The following ADAMTS20 variants were observed in gnomAD, a reference collection of about 807,000 sequenced individuals.
ADAMTS20 encodes the protein ADAM metallopeptidase with thrombospondin type 1 motif 20.
Under a neutral mutation model 260.1 loss-of-function variants are expected in ADAMTS20, and 225 were observed. The ratio of observed to expected loss-of-function variants is 0.87; its 90% CI spans 0.78 to 0.97. The LOEUF (loss-of-function observed/expected upper bound fraction) is 0.97. ADAMTS20 is among the 50% of genes least tolerant of loss of function. The pLI, the probability that ADAMTS20 is intolerant of heterozygous loss-of-function variation, is 0.00. For missense variants in ADAMTS20, 2,400 were observed against 2,337.7 expected (o/e 1.03, Z -0.55); for synonymous variants, 802 against 769.5 (o/e 1.04, Z -0.70).
chr12:43,502,173 A>T lies in ADAMTS20; in HGVS notation c.846T>A (p.Tyr282Ter), dbSNP rs1565574317. The T allele has an allele frequency of 6.2e-7, 1 of 1,602,356 alleles. No homozygotes were observed. Residue 282 changes from tyrosine to a stop codon, truncating the protein, a stop_gained, in exon 4 of 39, where the codon TAT (tyrosine) becomes TAA (stop). Coordinates refer to ENST00000389420, the MANE Select transcript of ADAMTS20 (RefSeq NM_025003.5). LOFTEE classifies it high-confidence loss of function. ...VSAHGSNLQN[Y>*]ILTLMSIVAT... ...TTACAATTGACATTAGAGTCAGTAT[A>T]TAGTTTTGCAAATTCGATCCATGAG...
chr12:43,360,428 G>A (rs1412773331), intron 37 of ADAMTS20, among the ~76,000 whole-genome samples: 4 of 152,008 alleles, frequency 2.6e-5, no homozygotes, highest in African/African-American at 7.3e-5. Flanking sequence ...CAGCCTGGGC[G>A]ACAGAGCACG....
At chr12:43,367,861 T>C (rs186998274) in intron 37 of ADAMTS20, among the ~76,000 whole-genome samples, 70 of 152,130 alleles carry the variant, frequency 4.6e-4, no homozygotes, top group African/African-American at 1.6e-3. Flanking sequence ...CATACAAATA[T>C]AGGCAAAAAT....
At chr12:43,438,007 G>A (rs1045434483) in intron 18 of ADAMTS20, among the ~76,000 whole-genome samples, 5 of 151,978 alleles carry the variant, frequency 3.3e-5, no homozygotes, top group African/African-American at 1.2e-4. Context: ...ATAACTTTCA[G>A]TACACAGAAA....
chr12:43,398,060 T>C lies in ADAMTS20; in HGVS notation c.4452+1006A>G, dbSNP rs1940739810. Among the ~76,000 whole-genome samples, 3 of 152,188 alleles carry C rather than the reference T, an allele frequency of 2.0e-5. No homozygotes were observed. The South Asian group carries it at 6.2e-4, about 32-fold the overall frequency. On this transcript the variant is annotated intron_variant, in intron 29 of 38. Transcript: ENST00000389420. The stretch of plus-strand genomic sequence containing the variant: ...ACATAACTCAAACATCTGACAGAGA[T>C]AAGGAAGTTCCAACATCAGAAGATG...
rs1423170590 is a variant in ADAMTS20 at position 43,501,506 on chromosome 12, T to C, written c.867+646A>G. On this transcript the variant is annotated intron_variant, in intron 4 of 38. Transcript: ENST00000389420. The stretch of plus-strand genomic sequence containing the variant: ...GCACACACACACACACACACACATG[T>C]AAGGATGAAGCGTGATGCCACTTAC... 1.3e-4 allele frequency among the ~76,000 whole-genome samples: 9 copies of C among 71,378 alleles called. No individual in the cohort carries two copies. In the South Asian group the frequency reaches 5.5e-3, roughly 43 times the overall value. The allele number at this position is 71,378 out of a possible 152,430, so 46.8% of individuals were successfully genotyped here. A position where few individuals can be genotyped will look rare whatever the true frequency, so the allele number is the denominator to read the frequency against.
At chr12:43,445,295 A>C (rs774858767) in intron 15 of ADAMTS20, among the ~76,000 whole-genome samples, 6 of 152,180 alleles carry the variant, frequency 3.9e-5, no homozygotes, top group African/African-American at 4.8e-5. Context: ...AATATTTTTC[A>C]GTAAATACAG....
Position 43,437,136 on chromosome 12 carries a change from T to A in ADAMTS20, c.2593+2486A>T, listed in dbSNP as rs150251524. On this transcript the variant is annotated intron_variant, in intron 18 of 38. Transcript: ENST00000389420. Reference sequence around the variant, plus strand: ...AGACCTAGGAGGAAACACATATAAGTGAGGGAGCAGAAGAAAACTTAAAGA... The same window carrying A: ...AGACCTAGGAGGAAACACATATAAGAGAGGGAGCAGAAGAAAACTTAAAGA... Among the ~76,000 whole-genome samples the A allele has an allele frequency of 2.5e-3, 377 of 151,572 alleles. 2 individuals carry two copies. Among genetic ancestry groups the A allele is most frequent in the African/African-American group, 8.9e-3 (367 of 41,294 alleles).
chr12:43,355,169 C>T (rs888232513), intron 38 of ADAMTS20, among the ~76,000 whole-genome samples: 3 of 152,158 alleles, frequency 2.0e-5, no homozygotes, highest in African/African-American at 7.2e-5. Flanking sequence ...TTTGAAGTTA[C>T]CTTCTCTTTC....
chr12:43,407,592 G>T (rs1372756516), intron 28 of ADAMTS20, among the ~76,000 whole-genome samples: 1 of 151,894 alleles, frequency 6.6e-6, no homozygotes, highest in East Asian at 1.9e-4. Context: ...CAAGTATCTT[G>T]TACAGAAATA....
At chr12:43,363,683 T>C (rs188356773) in intron 37 of ADAMTS20, among the ~76,000 whole-genome samples, 15 of 152,240 alleles carry the variant, frequency 9.9e-5, no homozygotes, top group African/African-American at 3.4e-4. Context: ...GAAGTTCAAG[T>C]TTAGGTACTT....
At chr12:43,414,703 G>C (rs1263463139) in intron 28 of ADAMTS20, among the ~76,000 whole-genome samples, 2 of 151,942 alleles carry the variant, frequency 1.3e-5, no homozygotes, top group Admixed American at 1.3e-4. Context: ...ACAAGGATTT[G>C]GGGCAACTGG....
At chr12:43,395,622 G>A (rs957623506) in intron 29 of ADAMTS20, among the ~76,000 whole-genome samples, 1 of 150,010 alleles carries the variant, frequency 6.7e-6, no homozygotes, top group Non-Finnish European at 1.5e-5. Context: ...GAAGGTGTAA[G>A]CAGCCAAGAG....
chr12:43,471,645 A>G (rs1432777324), intron 7 of ADAMTS20, among the ~76,000 whole-genome samples: 528 of 136,952 alleles, frequency 3.9e-3, no homozygotes, highest in African/African-American at 0.014. Context: ...ATCTGAGAAC[A>G]GGCAGACTGC....
chr12:43,388,100 G>A (rs1314244963), intron 29 of ADAMTS20, among the ~76,000 whole-genome samples: 1 of 152,056 alleles, frequency 6.6e-6, no homozygotes, highest in South Asian at 2.1e-4. Context: ...CAGCTAGCTT[G>A]GTGTCTACCC....
intron 29 of ADAMTS20, among the ~76,000 whole-genome samples, chr12:43,396,019 C>T (rs899827192): frequency 4.0e-5 from 6 of 150,340 alleles, no homozygotes; most frequent in East Asian, 1.9e-4. Context: ...TAAAATTAAA[C>T]GAAAAAAAAA....
chr12:43,394,068 G>C (rs1940651056), intron 29 of ADAMTS20, among the ~76,000 whole-genome samples: 1 of 152,034 alleles, frequency 6.6e-6, no homozygotes, highest in Non-Finnish European at 1.5e-5. Context: ...GTGAGGACTG[G>C]AACTGTGGCA....
intron 7 of ADAMTS20, 28 bp from the exon 8 acceptor site, chr12:43,468,733 C>T (rs781062934): frequency 1.5e-6 from 2 of 1,328,828 alleles, no homozygotes; most frequent in Admixed American, 4.1e-5. Flanking sequence ...TGTATTTCAT[C>T]AAAATGGAAA....
chr12:43,402,719 T>G (rs1245108386), intron 28 of ADAMTS20, among the ~76,000 whole-genome samples: 1 of 152,008 alleles, frequency 6.6e-6, no homozygotes, highest in Non-Finnish European at 1.5e-5. Context: ...CAATCTGCTG[T>G]TTTTTTCCCC....
chr12:43,414,080 A>G (rs1941085402), intron 28 of ADAMTS20, among the ~76,000 whole-genome samples: 1 of 152,210 alleles, frequency 6.6e-6, no homozygotes, highest in African/African-American at 2.4e-5. Flanking sequence ...AATAAACTTA[A>G]TAGAAATTCA....
Sources: allele counts gnomAD v4.1 joint callset (sites outside exome capture counted in the v4.1 genomes callset), GRCh38; gene constraint gnomAD v4.1.1; transcripts MANE v1.5; gene names NCBI Gene and HGNC (gene_info 2026-07-23, HGNC 2026-07-21).